The following PRKCE variants were observed in gnomAD, a reference collection of about 807,000 sequenced individuals.
PRKCE encodes protein kinase C epsilon.
A neutral mutation model predicts 85.4 loss-of-function variants in PRKCE; 16 were observed. That is an observed-to-expected ratio of 0.19 (90% CI 0.13 to 0.28). The LOEUF is 0.28. PRKCE is among the 10% of genes least tolerant of loss of function. The probability of loss-of-function intolerance (pLI) is 1.00; values close to 1 mark genes in which losing one functional copy is unlikely to be tolerated. For synonymous variants in PRKCE, 388 were observed against 371.5 expected (o/e 1.04, Z -0.51); for missense variants, 573 against 975.2 (o/e 0.59, Z 5.49).
intron 2 of PRKCE, among the ~76,000 whole-genome samples, chr2:45,883,649 G>A (rs1253158256): frequency 6.6e-6 from 1 of 152,210 alleles, no homozygotes; most frequent in Non-Finnish European, 1.5e-5. Flanking sequence ...CCTGTGTGGA[G>A]AGTGAGTCTG....
At chr2:45,936,446 G>A (rs180704323) in intron 2 of PRKCE, among the ~76,000 whole-genome samples, 271 of 152,296 alleles carry the variant, frequency 1.8e-3, no homozygotes, top group African/African-American at 6.3e-3. Flanking sequence ...CTTGGTGGCC[G>A]TGGGCCAAGC....
At chr2:46,072,559 GGGACCTTCA>G (rs1668169367) in intron 10 of PRKCE, among the ~76,000 whole-genome samples, 1 of 152,148 alleles carries the variant, frequency 6.6e-6, no homozygotes, top group South Asian at 2.1e-4. Flanking sequence ...AAACACGGTC[GGGACCTTCA>G]GGTCCTCAAT....
chr2:45,937,396 T>A (rs1322848001), intron 2 of PRKCE, among the ~76,000 whole-genome samples: 1 of 152,096 alleles, frequency 6.6e-6, no homozygotes, highest in African/African-American at 2.4e-5. Flanking sequence ...GCCCCACATT[T>A]TTGACAATTT....
intron 11 of PRKCE, among the ~76,000 whole-genome samples, chr2:46,092,359 A>G (rs891183730): frequency 6.6e-6 from 1 of 152,192 alleles, no homozygotes; most frequent in African/African-American, 2.4e-5. Flanking sequence ...TTGATCTCTA[A>G]TGAGCCCTTA....
At chr2:45,834,594 G>A (rs994632163) in intron 1 of PRKCE, among the ~76,000 whole-genome samples, 5 of 147,398 alleles carry the variant, frequency 3.4e-5, no homozygotes, top group African/African-American at 4.9e-5. Flanking sequence ...ATGTGTGTAT[G>A]TGTGTGTGTG....
At chr2:45,927,208 G>T (rs1279950830) in intron 2 of PRKCE, among the ~76,000 whole-genome samples, 1 of 152,184 alleles carries the variant, frequency 6.6e-6, no homozygotes, top group Non-Finnish European at 1.5e-5. Flanking sequence ...GTGTGCATGG[G>T]GGGGGTGTTG....
In PRKCE at chr2:45,852,950, G is replaced by A. The variant is rs776638327; in HGVS notation, c.412+9887G>A. ...GCTAACCAGCTCCCAGGAGATGTCT[G>A]TGCTGCTGGTCCCTGAACCGCACTT... On this transcript the variant is annotated intron_variant, in intron 2 of 14. Transcript: ENST00000306156. Among the ~76,000 whole-genome samples the A allele has an allele frequency of 6.4e-4, 98 of 152,216 alleles. 1 individual carries two copies. The highest frequency in any genetic ancestry group is 1.9e-4 in the Non-Finnish European group (13 of 68,036).
Position 46,184,846 on chromosome 2 carries a change from G to A in PRKCE, c.2179G>A (p.Gly727Ser), listed in dbSNP as rs1399624263. The A allele has an allele frequency of 6.3e-7, 1 of 1,599,782 alleles. No homozygotes were observed. Among genetic ancestry groups the A allele is most frequent in the Non-Finnish European group, 8.5e-7 (1 of 1,179,948 alleles). The change falls in exon 15 of 15, where the codon GGT becomes AGT. Residue 727 changes from glycine to serine, a missense_variant. Around this residue, in one of 11 missense-constraint regions of PRKCE, gnomAD observed 45 missense variants for 39.1 expected, o/e 1.15. Coordinates refer to ENST00000306156, the MANE Select transcript of PRKCE (RefSeq NM_005400.3). This position sits in a 1 kb window ranked among gnomAD's most constrained non-coding sequence, Gnocchi z 5.0. ...GCAGATCAACCAGGAGGAATTCAAAGGTTTCTCCTACTTTGGTGAAGACCT... is the reference window on the plus strand; with the variant it reads ...GCAGATCAACCAGGAGGAATTCAAAAGTTTCTCCTACTTTGGTGAAGACCT... ...VKQINQEEFKGFSYFGEDLMP is the reference protein window; with the variant it reads ...VKQINQEEFKSFSYFGEDLMP
intron 11 of PRKCE, among the ~76,000 whole-genome samples, chr2:46,123,976 C>T (rs1231243376): frequency 1.3e-5 from 2 of 152,224 alleles, no homozygotes; most frequent in Non-Finnish European, 2.9e-5. Flanking sequence ...ATGTGTCAAA[C>T]AATTTCACCA....
At chr2:46,095,138 A>T (rs377525696) in intron 11 of PRKCE, among the ~76,000 whole-genome samples, 2 of 152,126 alleles carry the variant, frequency 1.3e-5, no homozygotes, top group Admixed American at 6.5e-5. Flanking sequence ...TATCATTCAG[A>T]TATTGGACTA....
intron 1 of PRKCE, among the ~76,000 whole-genome samples, chr2:45,791,073 C>T (rs769843726): frequency 2.0e-5 from 3 of 152,230 alleles, no homozygotes; most frequent in Non-Finnish European, 2.9e-5. Flanking sequence ...ACAGCCAGCT[C>T]ACTTTGGTGA....
Position 45,951,359 on chromosome 2 carries a change from C to T in PRKCE, c.413-25070C>T, listed in dbSNP as rs542806145. Among the ~76,000 whole-genome samples the T allele has an allele frequency of 4.6e-5, 7 of 152,306 alleles. No individual in the cohort carries two copies. In the East Asian group the frequency reaches 1.3e-3, roughly 29 times the overall value. On this transcript the variant is annotated intron_variant, in intron 2 of 14. Transcript: ENST00000306156. ...CAGACTGTCGAGGAAGTCGTGTTTCCAGTCAGTCATGCCAGGTAGGTCCCT... is the reference window on the plus strand; with the variant it reads ...CAGACTGTCGAGGAAGTCGTGTTTCTAGTCAGTCATGCCAGGTAGGTCCCT...
intron 2 of PRKCE, among the ~76,000 whole-genome samples, chr2:45,873,474 A>C (rs1292023760): frequency 2.0e-5 from 3 of 152,006 alleles, no homozygotes; most frequent in Non-Finnish European, 4.4e-5. Flanking sequence ...AAAAAAAAAA[A>C]AACAAAAAAA....
chr2:46,145,021 A>T lies in PRKCE; in HGVS notation c.1593-72A>T. On this transcript the variant is annotated intron_variant, in intron 11 of 14. Coordinates refer to ENST00000306156, the MANE Select transcript of PRKCE (RefSeq NM_005400.3). The surrounding 1 kb of genome is among the most constrained non-coding windows in gnomAD (Gnocchi z 4.6). ...CTGGAGATTTCCCTAAGATAGGCAC[A>T]TACCTCCAACTCAGGAAGACTATAT... is the stretch of plus-strand genomic sequence containing the variant. 1 of 1,582,122 alleles carries T rather than the reference A, an allele frequency of 6.3e-7. No individual in the cohort carries two copies. The highest frequency in any genetic ancestry group is 8.6e-7 in the Non-Finnish European group (1 of 1,166,774).
intron 1 of PRKCE, among the ~76,000 whole-genome samples, chr2:45,683,431 C>T (rs1482819280): frequency 6.6e-6 from 1 of 152,180 alleles, no homozygotes; most frequent in Non-Finnish European, 1.5e-5. Context: ...GCAGGTCTTG[C>T]CCTTCTCAGA....
chr2:45,687,723 C>T (rs923899015), intron 1 of PRKCE, among the ~76,000 whole-genome samples: 1 of 152,172 alleles, frequency 6.6e-6, no homozygotes, highest in African/African-American at 2.4e-5. Flanking sequence ...ATAGGAGCAC[C>T]TCAGAAACAA....
At chr2:45,743,083 A>G (rs1447853262) in intron 1 of PRKCE, among the ~76,000 whole-genome samples, 2 of 152,210 alleles carry the variant, frequency 1.3e-5, no homozygotes, top group African/African-American at 4.8e-5. Flanking sequence ...GACTCAGAAT[A>G]GAATGGTGGT....
At chr2:45,666,182 G>C (rs1441207832) in intron 1 of PRKCE, among the ~76,000 whole-genome samples, 2 of 152,096 alleles carry the variant, frequency 1.3e-5, no homozygotes, top group African/African-American at 2.4e-5. Context: ...TTTTAGAAAA[G>C]AATATCCCAT....
chr2:46,012,677 G>A lies in PRKCE; in HGVS notation c.1437+2160G>A, dbSNP rs535562474. ...AGTTTAGTTGTGAGGGCTCTATGGAGCCCCTGTACGTGGTGGATCATGGGA... is the reference window on the plus strand; with the variant it reads ...AGTTTAGTTGTGAGGGCTCTATGGAACCCCTGTACGTGGTGGATCATGGGA... On this transcript the variant is annotated intron_variant, in intron 10 of 14. Transcript: ENST00000306156. Among the ~76,000 whole-genome samples, 6 of 152,328 alleles carry A rather than the reference G, an allele frequency of 3.9e-5. No individual in the cohort carries two copies. In the East Asian group the frequency reaches 7.7e-4, roughly 20 times the overall value.
Sources: gnomAD v4.1 joint callset for allele counts (sites outside exome capture counted in the v4.1 genomes callset) on GRCh38, gnomAD v4.1.1 for gene constraint, gnomAD v4.1.1 regional missense constraint, Gnocchi (gnomAD v3.1) non-coding constraint, MANE v1.5 for transcripts, NCBI Gene and HGNC (gene_info 2026-07-23, HGNC 2026-07-21) for gene names.